Variants in DNM3 observed in about 807,000 individuals in gnomAD.
The protein encoded by DNM3 is dynamin 3, also known as dynamin-3.
DNM3 carries 47 observed loss-of-function variants against 101.6 expected under a neutral mutation model. The observed-to-expected ratio is 0.46, with a 90% confidence interval of 0.37 to 0.59. The LOEUF is 0.59. Ranked by LOEUF, DNM3 falls within the 20% of genes least tolerant of loss-of-function variation. DNM3 has a pLI of 0.00. For synonymous variants in DNM3, 385 were observed against 387.9 expected, an observed-to-expected ratio of 0.99 and a Z score of 0.09; for missense variants, 849 against 1,085.7, an observed-to-expected ratio of 0.78 and a Z score of 3.06.
At chr1:171,870,766 A>G (rs190401399) in intron 1 of DNM3, among the ~76,000 whole-genome samples, 7 of 152,352 alleles carry the variant, frequency 4.6e-5, no homozygotes, top group African/African-American at 1.7e-4. Flanking sequence ...TGCGAAACTG[A>G]ACACAATCAG....
intron 20 of DNM3, among the ~76,000 whole-genome samples, chr1:172,402,167 A>G (rs1482243165): frequency 1.3e-5 from 2 of 152,192 alleles, no homozygotes; most frequent in Non-Finnish European, 2.9e-5. Context: ...TGCACGCCTC[A>G]AACTTCAAAA....
chr1:171,965,515 C>T (rs552139864), intron 2 of DNM3, among the ~76,000 whole-genome samples: 102 of 150,856 alleles, frequency 6.8e-4, no homozygotes, highest in Non-Finnish European at 1.2e-3. Context: ...GATTGTTCCA[C>T]TGTAAAGCCT....
intron 12 of DNM3, among the ~76,000 whole-genome samples, chr1:172,086,280 T>A (rs1356726706): frequency 2.6e-5 from 4 of 152,280 alleles, no homozygotes; most frequent in Middle Eastern, 3.4e-3. Context: ...AAACGGACAT[T>A]GTTTCTTCTC....
At chr1:172,361,520 G>GGACTTATAT in intron 17 of DNM3, among the ~76,000 whole-genome samples, 1 of 151,924 alleles carries the variant, frequency 6.6e-6, no homozygotes, top group South Asian at 2.1e-4. Context: ...TCTCTTTACT[G>GGACTTATAT]CAGGGTTCTC....
chr1:171,917,345 A>C (rs1267202625), intron 1 of DNM3, among the ~76,000 whole-genome samples: 1 of 152,172 alleles, frequency 6.6e-6, no homozygotes, highest in Non-Finnish European at 1.5e-5. Context: ...TCCAAAGATC[A>C]TTCTTTTCCT....
rs559697889 is a variant in DNM3 at position 172,387,484 on chromosome 1, T to C, written c.2285+125T>C. On this transcript the variant is annotated intron_variant, in intron 19 of 20. Coordinates refer to ENST00000627582, the MANE Select transcript of DNM3 (RefSeq NM_015569.5). ...CATCCTGGCGAACATAGTGAAACCC[T>C]GTCTCTACTAAAAACATAAAAAAAA... is the stretch of plus-strand genomic sequence containing the variant. 1.7e-5 allele frequency: 13 copies of C among 770,884 alleles called. No homozygotes were observed. In the African/African-American group the frequency reaches 2.3e-4, roughly 14 times the overall value. The allele number at this position is 770,884 out of a possible 1,614,324, so 47.8% of individuals were successfully genotyped here.
intron 10 of DNM3, among the ~76,000 whole-genome samples, chr1:172,053,518 C>T (rs1279682752): frequency 1.3e-5 from 2 of 151,804 alleles, no homozygotes; most frequent in African/African-American, 4.8e-5. Context: ...TTACATATCT[C>T]CTCTTGTTGA....
At chr1:172,164,467 G>T (rs2058675960) in intron 14 of DNM3, among the ~76,000 whole-genome samples, 2 of 151,728 alleles carry the variant, frequency 1.3e-5, no homozygotes, top group Admixed American at 1.3e-4. Context: ...CTGGGGATTT[G>T]TCCCCAAATC....
chr1:171,916,349 T>C (rs1284384447), intron 1 of DNM3, among the ~76,000 whole-genome samples: 1 of 152,224 alleles, frequency 6.6e-6, no homozygotes, highest in Non-Finnish European at 1.5e-5. Context: ...AGCAATCAGA[T>C]TGGTGCTGGC....
chr1:171,932,615 G>A (rs934270900), intron 2 of DNM3, among the ~76,000 whole-genome samples: 3 of 151,860 alleles, frequency 2.0e-5, no homozygotes, highest in African/African-American at 7.3e-5. Flanking sequence ...TTTAGTTTAG[G>A]TTATTTTACA....
At chr1:172,289,175 A>G (rs1490526248) in intron 15 of DNM3, among the ~76,000 whole-genome samples, 1 of 152,162 alleles carries the variant, frequency 6.6e-6, no homozygotes, top group East Asian at 1.9e-4. Flanking sequence ...TAAAATATGT[A>G]TTAGACTATT....
At chr1:172,356,120 G>A (rs1479907092) in intron 17 of DNM3, among the ~76,000 whole-genome samples, 1 of 152,036 alleles carries the variant, frequency 6.6e-6, no homozygotes, top group East Asian at 1.9e-4. Flanking sequence ...TTAAAGTGAG[G>A]CCTAATAAAG....
intron 12 of DNM3, among the ~76,000 whole-genome samples, chr1:172,091,016 G>GA (rs774100746): frequency 2.6e-5 from 4 of 152,204 alleles, no homozygotes; most frequent in Non-Finnish European, 5.9e-5. Flanking sequence ...TTTATTCATG[G>GA]ATCCACCAAA....
At chr1:171,862,670 TATC>T (rs1254504971) in intron 1 of DNM3, among the ~76,000 whole-genome samples, 2 of 152,130 alleles carry the variant, frequency 1.3e-5, no homozygotes, top group Non-Finnish European at 2.9e-5. Context: ...TGTTTTATAA[TATC>T]ATGAATATAC....
At chr1:172,400,142 T>C (rs965187240) in intron 20 of DNM3, among the ~76,000 whole-genome samples, 1 of 152,150 alleles carries the variant, frequency 6.6e-6, no homozygotes, top group East Asian at 1.9e-4. Context: ...TTTTTCCTTC[T>C]TCCTCCTGAT....
At chr1:172,165,511 G>A (rs894090998) in intron 14 of DNM3, among the ~76,000 whole-genome samples, 4 of 151,882 alleles carry the variant, frequency 2.6e-5, no homozygotes, top group African/African-American at 9.7e-5. Context: ...CTTAAATTGA[G>A]CCCCAGCCTA....
intron 12 of DNM3, among the ~76,000 whole-genome samples, chr1:172,091,338 T>C (rs2053894884): frequency 6.6e-6 from 1 of 152,016 alleles, no homozygotes; most frequent in Non-Finnish European, 1.5e-5. Flanking sequence ...CCGTGTAGTG[T>C]ATCGGAAGGT....
chr1:172,117,532 C>T (rs79207751), intron 13 of DNM3, among the ~76,000 whole-genome samples: 3,285 of 152,192 alleles, frequency 0.022, 112 homozygotes, highest in African/African-American at 0.073. Context: ...TTTCTCGCAG[C>T]CACCGTGTAA....
At chr1:172,285,226 T>C (rs1346606318) in intron 15 of DNM3, among the ~76,000 whole-genome samples, 1 of 152,222 alleles carries the variant, frequency 6.6e-6, no homozygotes, top group African/African-American at 2.4e-5. Context: ...ATATCCATTA[T>C]TTTAAAAACT....
Sources: allele counts gnomAD v4.1 joint callset (sites outside exome capture counted in the v4.1 genomes callset), GRCh38; gene constraint gnomAD v4.1.1; transcripts MANE v1.5; gene names NCBI Gene and HGNC (gene_info 2026-07-23, HGNC 2026-07-21).